Variants in CTBP1 observed in about 807,000 individuals in gnomAD.
CTBP1 encodes C-terminal binding protein 1, also known as C-terminal-binding protein 1.
CTBP1 carries 11 observed loss-of-function variants against 42.1 expected under a neutral mutation model. That is an observed-to-expected ratio of 0.26 (90% CI 0.16 to 0.43). CTBP1 has a LOEUF of 0.43. Ranked by LOEUF, CTBP1 falls within the 20% of genes least tolerant of loss-of-function variation. The pLI, the probability that CTBP1 is intolerant of heterozygous loss-of-function variation, is 1.00. For synonymous variants in CTBP1, 324 were observed against 277.1 expected, an observed-to-expected ratio of 1.17 and a Z score of -1.68; for missense variants, 399 against 624.3, an observed-to-expected ratio of 0.64 and a Z score of 3.85.
At chr4:1,248,102 C>T (rs1732932089) in intron 1 of CTBP1, among the ~76,000 whole-genome samples, 1 of 152,176 alleles carries the variant, frequency 6.6e-6, no homozygotes, top group Non-Finnish European at 1.5e-5. Flanking sequence ...GCGGCTCGGG[C>T]CGGCCCAGGA....
chr4:1,245,543 G>A lies in CTBP1; in HGVS notation c.-189+3373C>T, dbSNP rs184399975. On this transcript the variant is annotated intron_variant, in intron 1 of 9. Coordinates refer to ENST00000382952, the MANE Select transcript of CTBP1 (RefSeq NM_001012614.2). ...AGGAGCCCCCACACCACAGACGGGCGGCAGGTCAGGGTGGCACAGGAGGGC... is the reference window on the plus strand; with the variant it reads ...AGGAGCCCCCACACCACAGACGGGCAGCAGGTCAGGGTGGCACAGGAGGGC... 1.5e-3 allele frequency: 1,520 copies of A among 983,886 alleles called. 4 individuals carry two copies. Among genetic ancestry groups the A allele is most frequent in the Admixed American group, 0.01 (168 of 16,274 alleles). The allele number at this position is 983,886 out of a possible 1,614,324, so 60.9% of individuals were successfully genotyped here.
intron 8 of CTBP1, 116 bp from the exon 9 acceptor site, chr4:1,213,146 C>T: frequency 1.1e-6 from 1 of 930,132 alleles, no homozygotes. Flanking sequence ...TCCCTCTCAG[C>T]CCCGGGGCTC....
intron 1 of CTBP1, 57 bp downstream of exon 1, chr4:1,248,859 C>CG: frequency 2.2e-6 from 2 of 889,914 alleles, no homozygotes; most frequent in Non-Finnish European, 2.7e-6. Flanking sequence ...GCCCGCGCGG[C>CG]ACCCGCCCCG....
chr4:1,226,221 T>G (rs1022091847), intron 4 of CTBP1, among the ~76,000 whole-genome samples: 7 of 152,134 alleles, frequency 4.6e-5, no homozygotes, highest in East Asian at 1.9e-4. Context: ...CCCCAGCCAG[T>G]GCCCCTCCCT....
intron 1 of CTBP1, among the ~76,000 whole-genome samples, chr4:1,248,305 G>C (rs1314920380): frequency 6.6e-6 from 1 of 151,810 alleles, no homozygotes; most frequent in Non-Finnish European, 1.5e-5. Flanking sequence ...CCGCGTCACC[G>C]CCGGGGGCTG....
At chr4:1,213,897 A>G in intron 7 of CTBP1, 2 of 442,234 alleles carry the variant, frequency 4.5e-6, no homozygotes, top group Non-Finnish European at 8.0e-6. Flanking sequence ...TTCCAGCCAA[A>G]GGGTCTGTAG....
At chr4:1,242,586 G>A (rs568361284) in intron 1 of CTBP1, 2 of 985,424 alleles carry the variant, frequency 2.0e-6, no homozygotes, top group Admixed American at 6.1e-5. Flanking sequence ...CACCATCACA[G>A]GGGCTGGGGT....
intron 5 of CTBP1, among the ~76,000 whole-genome samples, chr4:1,224,140 C>T (rs1034350372): frequency 3.3e-5 from 5 of 152,256 alleles, no homozygotes; most frequent in Non-Finnish European, 5.9e-5. Context: ...GGTTGATGTG[C>T]GTGCCCACAC....
chr4:1,247,001 C>T (rs1189975182), intron 1 of CTBP1, among the ~76,000 whole-genome samples: 2 of 152,198 alleles, frequency 1.3e-5, no homozygotes, highest in African/African-American at 4.8e-5. Flanking sequence ...TGCGCCAAGC[C>T]CACAGGACTG....
upstream of CTBP1, chr4:1,249,693 G>A: frequency 2.4e-6 from 1 of 410,522 alleles, no homozygotes; most frequent in Non-Finnish European, 4.9e-6. Context: ...GGAGAAGCGC[G>A]CCTGCCCCAG....
At chr4:1,219,681 T>G (rs1159330807) in intron 5 of CTBP1, among the ~76,000 whole-genome samples, 2 of 152,150 alleles carry the variant, frequency 1.3e-5, no homozygotes, top group Non-Finnish European at 1.5e-5. Context: ...GACACAGCAG[T>G]GTGTGCAAGA....
chr4:1,231,023 A>G (rs4974574), intron 3 of CTBP1: 49,052 of 152,266 alleles, frequency 0.32, 9,244 homozygotes, highest in Non-Finnish European at 0.42. Flanking sequence ...TACAGGTTTA[A>G]CAACATAGTA....
Position 1,238,686 on chromosome 4 carries a change from C to A in CTBP1, c.8-349G>T, listed in dbSNP as rs993143650. Reference sequence around the variant, plus strand: ...TCACACCCTCCAAGACCCTCCGAGACCCCCCAAGAAATCTCCAGACCCTCT... The same window carrying A: ...TCACACCCTCCAAGACCCTCCGAGAACCCCCAAGAAATCTCCAGACCCTCT... On this transcript the variant is annotated intron_variant, in intron 2 of 9. Coordinates refer to ENST00000382952, the MANE Select transcript of CTBP1 (RefSeq NM_001012614.2). The surrounding 1 kb of genome is among the most constrained non-coding windows in gnomAD (Gnocchi z 5.9). Among the ~76,000 whole-genome samples, 1 of 150,810 alleles carries A rather than the reference C, an allele frequency of 6.6e-6. No homozygotes were observed.
In CTBP1 at chr4:1,238,260, C is replaced by T; in HGVS notation, c.85G>A (p.Val29Met). ...ACGTCCTTCAGGATGGGCATCTCCA[C>T]TGTGCAGTCCCGGCCATCCAGCAAT... ...VALLDGRDCT[V>M]EMPILKDVAT... Residue 29 changes from valine to methionine, a missense_variant, in exon 3 of 10, where the codon GTG becomes ATG. Around this residue, in one of 4 missense-constraint regions of CTBP1, gnomAD observed 13 missense variants for 61.5 expected, o/e 0.21. Coordinates refer to ENST00000382952, the MANE Select transcript of CTBP1 (RefSeq NM_001012614.2). The surrounding 1 kb of genome is among the most constrained non-coding windows in gnomAD (Gnocchi z 5.9). 1 of 1,608,408 alleles carries T rather than the reference C, an allele frequency of 6.2e-7. No individual in the cohort carries two copies. The highest frequency in any genetic ancestry group is 2.2e-5 in the East Asian group (1 of 44,760).
chr4:1,249,710 C>A, upstream of CTBP1: 1 of 405,534 alleles, frequency 2.5e-6, no homozygotes, highest in Non-Finnish European at 5.0e-6. Context: ...CCAGTGCGTC[C>A]CCAGGCGGGG....
upstream of CTBP1, chr4:1,249,510 C>CGCCT (rs1252634901): frequency 5.1e-4 from 43 of 84,444 alleles, 1 homozygote; most frequent in Non-Finnish European, 8.5e-4. Flanking sequence ...CGCAGCCGCC[C>CGCCT]CGCTCCCTTC....
chr4:1,223,851 C>T (rs1209968151), intron 5 of CTBP1, among the ~76,000 whole-genome samples: 1 of 152,366 alleles, frequency 6.6e-6, no homozygotes, highest in African/African-American at 2.4e-5. Flanking sequence ...ACACGCTTGC[C>T]GCTCTGAGCT....
At chr4:1,239,028 C>T (rs1415242893) in intron 2 of CTBP1, among the ~76,000 whole-genome samples, 1 of 152,172 alleles carries the variant, frequency 6.6e-6, no homozygotes, top group African/African-American at 2.4e-5. Flanking sequence ...GGCATTACTT[C>T]CAATTATAGA....
At chr4:1,222,547 T>C (rs905307752) in intron 5 of CTBP1, among the ~76,000 whole-genome samples, 1 of 152,088 alleles carries the variant, frequency 6.6e-6, no homozygotes, top group Non-Finnish European at 1.5e-5. Context: ...AGGTCCACCC[T>C]GCACTCCTCA....
Sources: allele counts gnomAD v4.1 joint callset (sites outside exome capture counted in the v4.1 genomes callset), GRCh38; gene constraint gnomAD v4.1.1; regional missense constraint gnomAD v4.1.1; non-coding constraint Gnocchi (gnomAD v3.1); transcripts MANE v1.5; gene names NCBI Gene and HGNC (gene_info 2026-07-23, HGNC 2026-07-21).